Variants in UNC13C observed in about 807,000 individuals in gnomAD.
UNC13C encodes the protein protein unc-13 homolog C.
A neutral mutation model predicts 245.4 loss-of-function variants in UNC13C; 174 were observed. The ratio of observed to expected loss-of-function variants is 0.71; its 90% CI spans 0.63 to 0.80. The LOEUF (loss-of-function observed/expected upper bound fraction) is 0.80. UNC13C is among the 30% of genes least tolerant of loss of function. The probability of loss-of-function intolerance (pLI) is 0.00; values close to 1 mark genes in which losing one functional copy is unlikely to be tolerated. For missense variants in UNC13C, 2,829 were observed against 2,602.9 expected, an observed-to-expected ratio of 1.09 and a Z score of -1.89; for synonymous variants, 992 against 895.1, an observed-to-expected ratio of 1.11 and a Z score of -1.93.
At chr15:54,060,486 G>A (rs1480071783) in intron 2 of UNC13C, among the ~76,000 whole-genome samples, 1 of 152,220 alleles carries the variant, frequency 6.6e-6, no homozygotes, top group Non-Finnish European at 1.5e-5. Context: ...TGGAGAGGAT[G>A]TGGAGAAATA....
intron 30 of UNC13C, among the ~76,000 whole-genome samples, chr15:54,588,995 T>C (rs925278174): frequency 5.3e-5 from 8 of 152,194 alleles, no homozygotes; most frequent in Non-Finnish European, 1.2e-4. Context: ...TTTGGGTAGA[T>C]ACCCAGTAGT....
chr15:54,392,957 T>A, intron 17 of UNC13C, 91 bp from the exon 18 acceptor site: 2 of 1,360,646 alleles, frequency 1.5e-6, no homozygotes, highest in Middle Eastern at 2.0e-4. Flanking sequence ...TCCACAATCA[T>A]TTTTCTTTGA....
At chr15:54,108,666 C>T (rs1421845712) in intron 2 of UNC13C, among the ~76,000 whole-genome samples, 2 of 152,110 alleles carry the variant, frequency 1.3e-5, no homozygotes, top group Admixed American at 1.3e-4. Flanking sequence ...TAGATAAGGA[C>T]CAATGACAAT....
Position 54,300,299 on chromosome 15 carries a change from T to G in UNC13C, c.4194T>G (p.Phe1398Leu). 1 of 1,590,436 alleles carries G rather than the reference T, an allele frequency of 6.3e-7. No individual in the cohort carries two copies. Among genetic ancestry groups the G allele is most frequent in the Non-Finnish European group, 8.6e-7 (1 of 1,167,262 alleles). The change falls in exon 13 of 33, where the codon TTT becomes TTG. Residue 1398 changes from phenylalanine (F) to leucine (L), a missense_variant. By Grantham distance (22) the Phe-to-Leu change is conservative. Transcript: ENST00000260323. ...GGGATGAAGCCTGGAAGGTTTTCTT[T>G]GATGATGCTTCCCAAGAAATAGTTG... Reference protein sequence around the residue: ...VKGDEAWKVFFDDASQEIVDE... With the variant: ...VKGDEAWKVFLDDASQEIVDE...
At position 54,080,006 on chromosome 15, in the gene UNC13C, G is replaced by GTTTTTTTTTTT. The variant is rs3985784; in HGVS notation, c.2984-63007_2984-62997dup. On this transcript the variant is annotated intron_variant, in intron 2 of 32. Coordinates refer to ENST00000260323, the MANE Select transcript of UNC13C (RefSeq NM_001080534.3). ...CCTTCAAGGCCTGGTTTGTCGAGCG[G>GTTTTTTTTTTT]TTTTTTTTTTTTTTTATCATAAAGT... Among the ~76,000 whole-genome samples the GTTTTTTTTTTT allele has an allele frequency of 9.4e-4, 122 of 129,856 alleles. 1 individual carries two copies. The highest frequency in any genetic ancestry group is 4.0e-3 in the Middle Eastern group (1 of 248). 85.2% of individuals were successfully genotyped at this position (129,856 alleles called of 152,430 possible).
At chr15:54,126,395 A>AT (rs2031041493) in intron 2 of UNC13C, among the ~76,000 whole-genome samples, 1 of 152,194 alleles carries the variant, frequency 6.6e-6, no homozygotes, top group Non-Finnish European at 1.5e-5. Flanking sequence ...TTATATAATG[A>AT]TATAGAGGCC....
intron 4 of UNC13C, among the ~76,000 whole-genome samples, chr15:54,157,681 T>C (rs1226620289): frequency 6.6e-6 from 1 of 152,136 alleles, no homozygotes; most frequent in Non-Finnish European, 1.5e-5. Flanking sequence ...GTAAAACATG[T>C]ATAGTTCACT....
chr15:54,429,486 ATATAGT>A (rs1329321695), intron 19 of UNC13C, among the ~76,000 whole-genome samples: 7 of 151,894 alleles, frequency 4.6e-5, no homozygotes, highest in African/African-American at 1.2e-4. Context: ...GTATAGAAAC[ATATAGT>A]TATATTTAGC....
chr15:54,521,409 T>C (rs754061159), intron 24 of UNC13C, among the ~76,000 whole-genome samples: 1 of 152,194 alleles, frequency 6.6e-6, no homozygotes, highest in Non-Finnish European at 1.5e-5. Context: ...CTAAAGATCT[T>C]TAATTTCTTC....
chr15:54,497,044 G>A (rs1893982816), intron 20 of UNC13C, among the ~76,000 whole-genome samples: 1 of 152,100 alleles, frequency 6.6e-6, no homozygotes, highest in South Asian at 2.1e-4. Context: ...TGCCTAAGTT[G>A]TTGGTAGTAT....
intron 29 of UNC13C, among the ~76,000 whole-genome samples, chr15:54,563,980 G>T (rs191855276): frequency 2.6e-5 from 4 of 152,042 alleles, no homozygotes; most frequent in Admixed American, 6.6e-5. Flanking sequence ...TGTCATTCCA[G>T]GTTTTGAACA....
chr15:54,389,082 A>T (rs571613142), intron 17 of UNC13C, among the ~76,000 whole-genome samples: 17 of 152,272 alleles, frequency 1.1e-4, no homozygotes, highest in African/African-American at 4.1e-4. Flanking sequence ...AAACTCCCTG[A>T]CATGACACAC....
At chr15:54,118,040 G>A (rs890013225) in intron 2 of UNC13C, among the ~76,000 whole-genome samples, 1 of 151,516 alleles carries the variant, frequency 6.6e-6, no homozygotes, top group African/African-American at 2.4e-5. Flanking sequence ...TGCTGATTTG[G>A]TTACTATAGT....
At chr15:54,023,747 G>A (rs984772501) in intron 2 of UNC13C, among the ~76,000 whole-genome samples, 1 of 152,150 alleles carries the variant, frequency 6.6e-6, no homozygotes, top group African/African-American at 2.4e-5. Context: ...GGAAGCTAAA[G>A]GCATGGTGCA....
chr15:54,101,694 C>A (rs1033415550), intron 2 of UNC13C, among the ~76,000 whole-genome samples: 2 of 152,088 alleles, frequency 1.3e-5, no homozygotes, highest in African/African-American at 4.8e-5. Context: ...GATTCTCCTG[C>A]TTCAGCCTCC....
At chr15:54,541,233 C>T (rs1896228816) in intron 26 of UNC13C, among the ~76,000 whole-genome samples, 1 of 151,964 alleles carries the variant, frequency 6.6e-6, no homozygotes, top group Non-Finnish European at 1.5e-5. Context: ...CTGTATATGC[C>T]TCTCACATGT....
At chr15:54,035,255 C>A (rs943947076) in intron 2 of UNC13C, among the ~76,000 whole-genome samples, 1 of 151,986 alleles carries the variant, frequency 6.6e-6, no homozygotes, top group South Asian at 2.1e-4. Flanking sequence ...TAGATGCTTG[C>A]GATATATTAA....
At chr15:54,184,441 C>T (rs566815518) in intron 4 of UNC13C, among the ~76,000 whole-genome samples, 80 of 152,132 alleles carry the variant, frequency 5.3e-4, no homozygotes, top group African/African-American at 1.8e-3. Flanking sequence ...CAACAGTCCC[C>T]GGTGTGTGAT....
chr15:54,532,286 TA>T (rs1443005893), intron 25 of UNC13C, among the ~76,000 whole-genome samples: 2 of 152,106 alleles, frequency 1.3e-5, no homozygotes, highest in African/African-American at 4.8e-5. Context: ...CTCAAAGACC[TA>T]AAGACAGAAA....
Sources: gnomAD v4.1 joint callset for allele counts (sites outside exome capture counted in the v4.1 genomes callset) on GRCh38, gnomAD v4.1.1 for gene constraint, MANE v1.5 for transcripts, NCBI Gene and HGNC (gene_info 2026-07-23, HGNC 2026-07-21) for gene names.